CSTPP1: variants seen among roughly 807,000 people sequenced by gnomAD.
CSTPP1 encodes centriolar satellite-associated tubulin polyglutamylase complex regulator 1.
chr11:47,102,913 T>A, the CSTPP1 span, among the ~76,000 whole-genome samples: 371 of 150,770 alleles, frequency 2.5e-3, 1 homozygote, highest in African/African-American at 8.2e-3. Context: ...AGGTAAGAGG[T>A]TTCTTTTTTC....
the CSTPP1 span, among the ~76,000 whole-genome samples, chr11:46,976,824 TC>T: frequency 6.8e-4 from 103 of 152,310 alleles, 1 homozygote; most frequent in African/African-American, 2.4e-3. Flanking sequence ...GGAACCCGAA[TC>T]TACGAGAAGT....
the CSTPP1 span, among the ~76,000 whole-genome samples, chr11:46,940,952 G>A: frequency 6.6e-6 from 1 of 152,200 alleles, no homozygotes; most frequent in African/African-American, 2.4e-5. Context: ...TTGGTGAATA[G>A]AAGTTGGTGG....
At chr11:46,963,324 CTTT>C in the CSTPP1 span, among the ~76,000 whole-genome samples, 5 of 123,066 alleles carry the variant, frequency 4.1e-5, no homozygotes, top group Non-Finnish European at 7.1e-5. Flanking sequence ...TTAGTTTTAG[CTTT>C]TTTTTTTTTT....
chr11:47,080,191 C>A, the CSTPP1 span, among the ~76,000 whole-genome samples: 2 of 152,188 alleles, frequency 1.3e-5, no homozygotes, highest in Non-Finnish European at 2.9e-5. Flanking sequence ...CGCGGTGGCT[C>A]ACGCCTGTAA....
the CSTPP1 span, among the ~76,000 whole-genome samples, chr11:47,045,748 A>C: frequency 6.6e-6 from 1 of 152,070 alleles, no homozygotes; most frequent in African/African-American, 2.4e-5. Context: ...AAACTTAATT[A>C]ATTATTGATT....
the CSTPP1 span, among the ~76,000 whole-genome samples, chr11:46,971,536 G>A: frequency 3.3e-5 from 5 of 152,090 alleles, no homozygotes; most frequent in Non-Finnish European, 7.4e-5. Flanking sequence ...ATTTGCTTGT[G>A]CAAATATATT....
the CSTPP1 span, among the ~76,000 whole-genome samples, chr11:47,021,491 C>G: frequency 6.6e-6 from 1 of 152,168 alleles, no homozygotes; most frequent in Non-Finnish European, 1.5e-5. Flanking sequence ...TTTCAAACAG[C>G]TATTGTCTTT....
chr11:46,966,434 C>T, the CSTPP1 span, among the ~76,000 whole-genome samples: 1 of 152,116 alleles, frequency 6.6e-6, no homozygotes, highest in Non-Finnish European at 1.5e-5. Flanking sequence ...GTAGAGTTTT[C>T]CAAAATTTTA....
At chr11:47,086,806 G>C in the CSTPP1 span, among the ~76,000 whole-genome samples, 1 of 152,200 alleles carries the variant, frequency 6.6e-6, no homozygotes, top group Non-Finnish European at 1.5e-5. Flanking sequence ...TGATAACTGT[G>C]AAGGGGGTGA....
the CSTPP1 span, among the ~76,000 whole-genome samples, chr11:47,046,090 T>C: frequency 6.6e-6 from 1 of 152,100 alleles, no homozygotes; most frequent in South Asian, 2.1e-4. Flanking sequence ...CAGCCTAAAG[T>C]GGTAATTTTT....
chr11:47,125,993 G>A, the CSTPP1 span, among the ~76,000 whole-genome samples: 1 of 151,424 alleles, frequency 6.6e-6, no homozygotes, highest in Admixed American at 6.6e-5. Flanking sequence ...TTCCATCCCG[G>A]GTGACAGAGC....
At chr11:47,010,471 A>G in the CSTPP1 span, among the ~76,000 whole-genome samples, 1 of 151,998 alleles carries the variant, frequency 6.6e-6, no homozygotes, top group Non-Finnish European at 1.5e-5. Flanking sequence ...TTGTGGTGAG[A>G]CCTTTGCCTA....
chr11:47,143,955 C>T, the CSTPP1 span, among the ~76,000 whole-genome samples: 1 of 152,116 alleles, frequency 6.6e-6, no homozygotes, highest in South Asian at 2.1e-4. Context: ...TAATATTAAC[C>T]TTGACCTAGA....
the CSTPP1 span, among the ~76,000 whole-genome samples, chr11:46,947,804 G>T: frequency 6.6e-6 from 1 of 152,152 alleles, no homozygotes; most frequent in Non-Finnish European, 1.5e-5. Context: ...AAATCTGCTT[G>T]TGCCCCAGGA....
chr11:47,157,970 G>C, the CSTPP1 span: 1 of 1,527,834 alleles, frequency 6.5e-7, no homozygotes, highest in Non-Finnish European at 9.0e-7. Context: ...GCACAACACA[G>C]GGAGCAGCTG....
At chr11:47,153,941 CTTTT>C in the CSTPP1 span, among the ~76,000 whole-genome samples, 11 of 151,870 alleles carry the variant, frequency 7.2e-5, no homozygotes, top group Admixed American at 3.9e-4. Context: ...CAAAAGAAAA[CTTTT>C]TTTGTTTTTT....
the CSTPP1 span, among the ~76,000 whole-genome samples, chr11:47,087,009 T>A: frequency 6.6e-6 from 1 of 152,172 alleles, no homozygotes; most frequent in Non-Finnish European, 1.5e-5. Context: ...AACATCTCCA[T>A]GACATCCTTG....
chr11:47,096,813 A>T, the CSTPP1 span, among the ~76,000 whole-genome samples: 2 of 149,398 alleles, frequency 1.3e-5, no homozygotes, highest in African/African-American at 4.9e-5. Flanking sequence ...GCCCAGCAGA[A>T]AAAAAAAAAA....
chr11:47,038,311 G>C, the CSTPP1 span, among the ~76,000 whole-genome samples: 18 of 108,060 alleles, frequency 1.7e-4, no homozygotes, highest in African/African-American at 4.7e-4. Flanking sequence ...CGGACGGGGC[G>C]GCTGGCCGGG....
Sources: allele counts gnomAD v4.1 joint callset (sites outside exome capture counted in the v4.1 genomes callset), GRCh38; gene constraint gnomAD v4.1.1; transcripts MANE v1.5; gene names NCBI Gene and HGNC (gene_info 2026-07-23, HGNC 2026-07-21).